The following SSUH2 variants were observed in gnomAD, a reference collection of about 807,000 sequenced individuals.
The protein encoded by SSUH2 is protein SSUH2 homolog.
Under a neutral mutation model 55.3 loss-of-function variants are expected in SSUH2, and 47 were observed. That is an observed-to-expected ratio of 0.85 (90% confidence interval 0.67 to 1.08). The LOEUF is 1.08. Ranked by LOEUF, SSUH2 falls within the 50% of genes least tolerant of loss-of-function variation. The pLI is 0.00. For missense variants in SSUH2, 535 were observed against 490.7 expected (o/e 1.09, Z -0.85); for synonymous variants, 212 against 191.5 (o/e 1.11, Z -0.89).
chr3:8,661,242 G>A (rs1005079187), intron 6 of SSUH2, among the ~76,000 whole-genome samples: 4 of 152,140 alleles, frequency 2.6e-5, no homozygotes, highest in African/African-American at 7.2e-5. Context: ...TGTTCCCTCT[G>A]CCTAGAACTC....
At chr3:8,680,208 G>C (rs931310311) in intron 1 of SSUH2, among the ~76,000 whole-genome samples, 5 of 152,208 alleles carry the variant, frequency 3.3e-5, no homozygotes, top group African/African-American at 1.2e-4. Context: ...CCCCGTTTGA[G>C]GGCCTTGGCA....
chr3:8,667,519 C>T (rs2172557), intron 5 of SSUH2, among the ~76,000 whole-genome samples: 30,278 of 152,100 alleles, frequency 0.2, 3,517 homozygotes, highest in African/African-American at 0.31. Context: ...TCCAGTCTCA[C>T]CCATTTGATG....
chr3:8,679,439 T>A (rs1395863026), intron 2 of SSUH2, among the ~76,000 whole-genome samples: 27 of 118,510 alleles, frequency 2.3e-4, no homozygotes, highest in Non-Finnish European at 4.1e-4. Context: ...AGGACCCCCA[T>A]CACAGCGGGG....
intron 7 of SSUH2, chr3:8,652,141 C>T (rs768956738): frequency 1.3e-5 from 2 of 152,426 alleles, no homozygotes; most frequent in Non-Finnish European, 2.9e-5. Flanking sequence ...CAAACAATCA[C>T]ATGATCAGGA....
chr3:8,661,274 A>C (rs1393700238), intron 6 of SSUH2, among the ~76,000 whole-genome samples: 1 of 152,066 alleles, frequency 6.6e-6, no homozygotes, highest in Non-Finnish European at 1.5e-5. Flanking sequence ...TTCCTAATCC[A>C]CCAAAATCTC....
chr3:8,675,568 C>G, intron 3 of SSUH2, among the ~76,000 whole-genome samples: 1 of 145,466 alleles, frequency 6.9e-6, no homozygotes, highest in Non-Finnish European at 1.5e-5. Context: ...ATTTACTATC[C>G]CACAGGGGTC....
At chr3:8,652,441 C>T (rs750482566) in intron 7 of SSUH2, among the ~76,000 whole-genome samples, 3 of 152,204 alleles carry the variant, frequency 2.0e-5, no homozygotes, top group Non-Finnish European at 4.4e-5. Context: ...AACCTCAATG[C>T]TTATCATGTC....
intron 1 of SSUH2, among the ~76,000 whole-genome samples, chr3:8,639,784 A>G (rs1396071962): frequency 6.6e-6 from 1 of 152,114 alleles, no homozygotes; most frequent in East Asian, 1.9e-4. Context: ...TCCCATCACC[A>G]TCTTACTTGA....
intron 8 of SSUH2, chr3:8,627,148 T>C (rs533277885): frequency 6.6e-6 from 1 of 152,414 alleles, no homozygotes; most frequent in East Asian, 1.9e-4. Context: ...CCTCACGGTT[T>C]CCTGTTTCCC....
chr3:8,648,155 T>A (rs1378993054), upstream of SSUH2, among the ~76,000 whole-genome samples: 1 of 151,960 alleles, frequency 6.6e-6, no homozygotes, highest in Non-Finnish European at 1.5e-5. Context: ...TCACAACAAC[T>A]CCGTAAGATA....
Position 8,630,831 on chromosome 3 carries a change from G to C in SSUH2, c.499C>G (p.Gln167Glu). 1.3e-6 allele frequency: 2 copies of C among 1,495,716 alleles called. No homozygotes were observed. The highest frequency in any genetic ancestry group is 1.8e-6 in the Non-Finnish European group (2 of 1,122,706). The allele number at this position is 1,495,716 out of a possible 1,614,324, so 92.7% of individuals were successfully genotyped here. Reference protein sequence around the residue: ...PMFQEDTRKFQVPHSSLVKEC... With the variant: ...PMFQEDTRKFEVPHSSLVKEC... ...TTGACCAGTGACGAGTGAGGGACCTGGAACTTCCTGGTGTCTTCCTGAAAC... is the reference window on the plus strand; with the variant it reads ...TTGACCAGTGACGAGTGAGGGACCTCGAACTTCCTGGTGTCTTCCTGAAAC... Residue 167 changes from glutamine (Q) to glutamate (E), a missense_variant, in exon 6 of 12, where the codon CAG becomes GAG. Physicochemically the swap from Gln to Glu is conservative, Grantham distance 29. Coordinates refer to ENST00000544814, the MANE Select transcript of SSUH2 (RefSeq NM_001256748.3).
intron 7 of SSUH2, 162 bp downstream of exon 7, chr3:8,629,500 TCA>T: frequency 1.6e-6 from 1 of 621,626 alleles, no homozygotes; most frequent in Non-Finnish European, 2.8e-6. Context: ...CCCCACTTTT[TCA>T]TTTTATAGAC....
Position 8,626,332 on chromosome 3 carries a change from C to T in SSUH2, c.675-11G>A. ...GAGCAAGTGCTGCATCTGAGAAAGGCACAGAGTCCGTACCCCCAGATCAGT... is the reference window on the plus strand; with the variant it reads ...GAGCAAGTGCTGCATCTGAGAAAGGTACAGAGTCCGTACCCCCAGATCAGT... On this transcript the variant is annotated splice_polypyrimidine_tract_variant and intron_variant, in intron 8 of 11. Coordinates refer to ENST00000544814, the MANE Select transcript of SSUH2 (RefSeq NM_001256748.3). The T allele has an allele frequency of 6.2e-7, 1 of 1,611,926 alleles. No individual in the cohort carries two copies. The highest frequency in any genetic ancestry group is 2.2e-5 in the East Asian group (1 of 44,882).
At chr3:8,674,324 G>A (rs1420814738) in intron 3 of SSUH2, among the ~76,000 whole-genome samples, 1 of 152,174 alleles carries the variant, frequency 6.6e-6, no homozygotes, top group African/African-American at 2.4e-5. Flanking sequence ...AATGCCCTCA[G>A]CTCAAAAGAA....
intron 1 of SSUH2, among the ~76,000 whole-genome samples, chr3:8,643,162 C>A (rs1268310686): frequency 6.6e-6 from 1 of 152,178 alleles, no homozygotes; most frequent in Non-Finnish European, 1.5e-5. Flanking sequence ...GACTCCATGT[C>A]TACTCTGGGC....
chr3:8,679,650 C>T (rs1411102450), intron 2 of SSUH2: 8 of 197,274 alleles, frequency 4.1e-5, no homozygotes, highest in African/African-American at 1.9e-4. Flanking sequence ...GCCAGTGCCT[C>T]TTCCCCCCCT....
chr3:8,649,953 C>A (rs567517194), intron 7 of SSUH2, among the ~76,000 whole-genome samples: 1 of 152,288 alleles, frequency 6.6e-6, no homozygotes, highest in Non-Finnish European at 1.5e-5. Flanking sequence ...ACCAATATGG[C>A]CTCTGCCTGC....
chr3:8,642,669 A>G (rs116658974), intron 1 of SSUH2, among the ~76,000 whole-genome samples: 51 of 152,342 alleles, frequency 3.3e-4, no homozygotes, highest in Non-Finnish European at 6.2e-4. Flanking sequence ...CACTGGAGAA[A>G]GGTTTTCTCC....
At chr3:8,649,432 T>C (rs1702130207), upstream of SSUH2, among the ~76,000 whole-genome samples, 1 of 152,146 alleles carries the variant, frequency 6.6e-6, no homozygotes, top group African/African-American at 2.4e-5. Context: ...ACTCCCTTGG[T>C]GACCTCCTTC....
Sources: gnomAD v4.1 joint callset for allele counts (sites outside exome capture counted in the v4.1 genomes callset) on GRCh38, gnomAD v4.1.1 for gene constraint, MANE v1.5 for transcripts, NCBI Gene and HGNC (gene_info 2026-07-23, HGNC 2026-07-21) for gene names.